MX2: variants seen among roughly 807,000 people sequenced by gnomAD.
MX2 encodes MX dynamin like GTPase 2.
In MX2, 51 loss-of-function variants were observed where a neutral mutation model predicts 74.0. The observed-to-expected ratio is 0.69, with a 90% confidence interval of 0.55 to 0.87. The LOEUF (loss-of-function observed/expected upper bound fraction) is 0.87. Ranked by LOEUF, MX2 falls within the 40% of genes least tolerant of loss-of-function variation. MX2 has a pLI of 0.00. For synonymous variants in MX2, 369 were observed against 339.3 expected (o/e 1.09, Z -0.96); for missense variants, 832 against 908.7 (o/e 0.92, Z 1.09).
chr21:41,406,888 C>A lies in MX2; in HGVS notation c.1795C>A (p.Pro599Thr). 6.2e-7 allele frequency: 1 copy of A among 1,614,110 alleles called. No individual in the cohort carries two copies. The change falls in exon 13 of 14, where the codon CCT becomes ACT. Residue 599 changes from proline to threonine, a missense_variant. Physicochemically the swap from Pro to Thr is conservative, Grantham distance 38. Coordinates refer to ENST00000330714, the MANE Select transcript of MX2 (RefSeq NM_002463.2). ...LKKVREEIFN[P>T]LGTPSQNMKL... ...GAAAGTCCGAGAAGAGATTTTTAAC[C>A]CTCTGGGGACGCCTTCACAGAATAT...
intron 6 of MX2, among the ~76,000 whole-genome samples, chr21:41,394,253 C>T (rs2089702220): frequency 7.0e-6 from 1 of 143,802 alleles, no homozygotes; most frequent in African/African-American, 2.9e-5. Context: ...GGTGACCTGG[C>T]CCTGCCTGCC....
chr21:41,407,893 C>A (rs2089907538), intron 13 of MX2, 98 bp from the exon 14 acceptor site: 10 of 1,510,266 alleles, frequency 6.6e-6, no homozygotes, highest in African/African-American at 1.4e-5. Context: ...CTTCGCCAGG[C>A]AACCATGTGC....
intron 7 of MX2, among the ~76,000 whole-genome samples, chr21:41,397,314 A>G (rs2089748755): frequency 6.6e-6 from 1 of 152,228 alleles, no homozygotes; most frequent in Non-Finnish European, 1.5e-5. Context: ...ATGAGAAATA[A>G]AATACTAATC....
chr21:41,391,737 C>T (rs542349494), intron 6 of MX2, among the ~76,000 whole-genome samples: 2 of 151,736 alleles, frequency 1.3e-5, no homozygotes, highest in South Asian at 2.1e-4. Context: ...ACATGTTCTG[C>T]TCTTAGTATA....
intron 3 of MX2, among the ~76,000 whole-genome samples, chr21:41,379,220 C>T (rs910873306): frequency 6.6e-6 from 1 of 152,196 alleles, no homozygotes; most frequent in Non-Finnish European, 1.5e-5. Flanking sequence ...AGTGAGACTA[C>T]GGGGTGGAGA....
At chr21:41,391,144 G>T (rs901380222) in intron 6 of MX2, among the ~76,000 whole-genome samples, 6 of 152,208 alleles carry the variant, frequency 3.9e-5, no homozygotes, top group South Asian at 2.1e-4. Flanking sequence ...TATTGTTCTT[G>T]TTCCTTAGGA....
In MX2 at chr21:41,388,659, T is replaced by C. The variant is rs2089614324; in HGVS notation, c.733-1906T>C. On this transcript the variant is annotated intron_variant, in intron 5 of 13. Transcript: ENST00000330714. This position sits in a 1 kb window ranked among gnomAD's most constrained non-coding sequence, Gnocchi z 4.0. ...GGGCCCCACACCTGGTGGGCACTGC[T>C]AATGTTTGCTGCATGCACATAACGT... 6.6e-6 allele frequency among the ~76,000 whole-genome samples: 1 copy of C among 152,228 alleles called. No individual in the cohort carries two copies. The highest frequency in any genetic ancestry group is 1.5e-5 in the Non-Finnish European group (1 of 68,040).
rs919211743 is a variant in MX2 at position 41,363,219 on chromosome 21, T to G, written c.-72+1164T>G. On this transcript the variant is annotated intron_variant, in intron 1 of 13. Coordinates refer to ENST00000330714, the MANE Select transcript of MX2 (RefSeq NM_002463.2). This position sits in a 1 kb window ranked among gnomAD's most constrained non-coding sequence, Gnocchi z 4.2. ...CCCGCGCCAACCCCTGAAGCACTTT[T>G]GACTCCCTTCGGATGTACAATTTTT... 3.9e-5 allele frequency: 6 copies of G among 152,224 alleles called. No homozygotes were observed. Among genetic ancestry groups the G allele is most frequent in the African/African-American group, 1.4e-4 (6 of 41,402 alleles). The allele number at this position is 152,224 out of a possible 1,614,324, so 9.4% of individuals were successfully genotyped here.
intron 2 of MX2, 150 bp downstream of exon 2, chr21:41,377,305 TA>T: frequency 1.7e-6 from 2 of 1,176,708 alleles, no homozygotes; most frequent in East Asian, 4.7e-5. Flanking sequence ...GCCCAACAAG[TA>T]CCAGGAACAT....
Position 41,377,852 on chromosome 21 carries a change from G to A in MX2, c.313G>A (p.Asp105Asn), listed in dbSNP as rs2089428082. 4.3e-6 allele frequency: 7 copies of A among 1,614,194 alleles called. No homozygotes were observed. The highest frequency in any genetic ancestry group is 1.1e-5 in the South Asian group (1 of 91,084). Residue 105 changes from aspartate to asparagine, a missense_variant, in exon 3 of 14, where the codon GAC (aspartate) becomes AAC (asparagine). Physicochemically the swap from Asp to Asn is conservative, Grantham distance 23 (BLOSUM62 1). Coordinates refer to ENST00000330714, the MANE Select transcript of MX2 (RefSeq NM_002463.2). The part of the protein sequence containing the change: ...QKVRPCIDLI[D>N]SLRALGVEQD... ...GGTGCGCCCCTGCATTGACCTCATC[G>A]ACTCCCTGCGGGCTCTGGGTGTGGA...
intron 6 of MX2, among the ~76,000 whole-genome samples, chr21:41,391,369 C>T (rs564020607): frequency 1.3e-5 from 2 of 151,380 alleles, no homozygotes; most frequent in South Asian, 4.2e-4. Context: ...AGATAATCAA[C>T]AGTTATCAAT....
At chr21:41,400,338 C>T (rs1334622758) in intron 10 of MX2, among the ~76,000 whole-genome samples, 1 of 152,048 alleles carries the variant, frequency 6.6e-6, no homozygotes, top group Admixed American at 6.6e-5. Context: ...CTAAAATGTG[C>T]CCAGATCACC....
In MX2 at chr21:41,377,036, A is replaced by G; in HGVS notation, c.130A>G (p.Met44Val). ...PPFGTVPPQM[M>V]FPPNWQGAEK... ...ATTCGGCACAGTGCCACCACAAATGATGTTTCCTCCAAACTGGCAGGGGGC... is the reference window on the plus strand; with the variant it reads ...ATTCGGCACAGTGCCACCACAAATGGTGTTTCCTCCAAACTGGCAGGGGGC... Residue 44 changes from methionine (M) to valine (V), a missense_variant, in exon 2 of 14, where the codon ATG becomes GTG. Met to Val is a conservative substitution (Grantham distance 21). Transcript: ENST00000330714. 6.2e-7 allele frequency: 1 copy of G among 1,614,196 alleles called. No homozygotes were observed. The highest frequency in any genetic ancestry group is 8.5e-7 in the Non-Finnish European group (1 of 1,180,026).
In MX2 at chr21:41,380,085, A is replaced by T; in HGVS notation, c.511A>T (p.Ile171Phe). The change falls in exon 4 of 14, where the codon ATC becomes TTC. Residue 171 changes from isoleucine to phenylalanine, a missense_variant. By Grantham distance (21) the Ile-to-Phe change is conservative. Coordinates refer to ENST00000330714, the MANE Select transcript of MX2 (RefSeq NM_002463.2). This position sits in a 1 kb window ranked among gnomAD's most constrained non-coding sequence, Gnocchi z 4.3. ...GCCCTGTGAGGCATGGGCCGGAAGGATCAGCTACCGGAACACCGAGCTAGA... is the reference window on the plus strand; with the variant it reads ...GCCCTGTGAGGCATGGGCCGGAAGGTTCAGCTACCGGAACACCGAGCTAGA... ...KQPCEAWAGR[I>F]SYRNTELELQ... 1 of 1,614,000 alleles carries T rather than the reference A, an allele frequency of 6.2e-7. No individual in the cohort carries two copies.
Position 41,408,002 on chromosome 21 carries a change from A to G in MX2, c.1917A>G (p.Lys639=), listed in dbSNP as rs1209994216. 6.8e-6 allele frequency: 11 copies of G among 1,613,956 alleles called. No homozygotes were observed. Among genetic ancestry groups the G allele is most frequent in the Non-Finnish European group, 9.3e-6 (11 of 1,180,016 alleles). Reference sequence around the variant, plus strand: ...TCTCCCTCTTCCAGGAAACCAGCAAACGTCTCGCCAACCAGATCCCATTTA... The same window carrying G: ...TCTCCCTCTTCCAGGAAACCAGCAAGCGTCTCGCCAACCAGATCCCATTTA... The part of the protein sequence containing the change: ...HLNAYFLETS[K]RLANQIPFII... The change falls in exon 14 of 14, where the codon AAA becomes AAG. Residue 639 remains lysine (K), a synonymous_variant. Coordinates refer to ENST00000330714, the MANE Select transcript of MX2 (RefSeq NM_002463.2).
intron 2 of MX2, among the ~76,000 whole-genome samples, 176 bp from the exon 3 acceptor site, chr21:41,377,613 C>T (rs576029760): frequency 6.6e-6 from 1 of 152,302 alleles, no homozygotes; most frequent in East Asian, 1.9e-4. Context: ...TGTGAGGCCT[C>T]AATAGGAACA....
intron 13 of MX2, among the ~76,000 whole-genome samples, chr21:41,407,597 T>G (rs185848909): frequency 9.8e-4 from 149 of 152,316 alleles, no homozygotes; most frequent in African/African-American, 3.5e-3. Context: ...CATGGGCACC[T>G]GGCTGCCAGG....
intron 8 of MX2, 76 bp downstream of exon 8, chr21:41,397,767 G>A: frequency 7.8e-7 from 1 of 1,276,014 alleles, no homozygotes; most frequent in Non-Finnish European, 1.1e-6. Context: ...AGTTGGCTAA[G>A]ATGCCCCACT....
intron 3 of MX2, 87 bp from the exon 4 acceptor site, chr21:41,379,930 G>A: frequency 6.5e-7 from 1 of 1,544,808 alleles, no homozygotes; most frequent in South Asian, 1.2e-5. Context: ...AGGCCTTTGG[G>A]GACAGCAGGG....
Sources: allele counts gnomAD v4.1 joint callset (sites outside exome capture counted in the v4.1 genomes callset), GRCh38; gene constraint gnomAD v4.1.1; non-coding constraint Gnocchi (gnomAD v3.1); transcripts MANE v1.5; gene names NCBI Gene and HGNC (gene_info 2026-07-23, HGNC 2026-07-21).